SH2D4B: variants seen among roughly 807,000 people sequenced by gnomAD.
The protein encoded by SH2D4B is SH2 domain containing 4B.
SH2D4B carries 45 observed loss-of-function variants against 61.5 expected under a neutral mutation model. The observed-to-expected ratio is 0.73, with a 90% CI of 0.58 to 0.94. The LOEUF is 0.94. Among genes scored for constraint, SH2D4B ranks in the 40% least tolerant of loss-of-function variants. The pLI is 0.00. For missense variants in SH2D4B, 572 were observed against 574.2 expected (o/e 1.00, Z 0.04); for synonymous variants, 224 against 220.4 (o/e 1.02, Z -0.14).
At chr10:80,643,530 G>A (rs1295121319) in intron 7 of SH2D4B, among the ~76,000 whole-genome samples, 2 of 152,002 alleles carry the variant, frequency 1.3e-5, no homozygotes, top group Non-Finnish European at 2.9e-5. Context: ...GTGTCTTCAT[G>A]CTGTAGGGGT....
chr10:80,644,332 G>A lies in SH2D4B; in HGVS notation c.*247G>A, dbSNP rs541611144. 3 of 422,612 alleles carry A rather than the reference G, an allele frequency of 7.1e-6. No individual in the cohort carries two copies. Among genetic ancestry groups the A allele is most frequent in the Non-Finnish European group, 1.3e-5 (3 of 237,396 alleles). The allele number at this position is 422,612 out of a possible 1,614,324, so 26.2% of individuals were successfully genotyped here. ...GAAGAGCTTAGCTATGACCTTAGAA[G>A]ACAAAGCCTGTTTGTCATGGCTGCC... On this transcript the variant is annotated 3_prime_UTR_variant, in exon 8 of 8. Transcript: ENST00000646907.
chr10:80,624,050 CA>C (rs1419880036), intron 6 of SH2D4B, among the ~76,000 whole-genome samples: 2 of 152,136 alleles, frequency 1.3e-5, no homozygotes, highest in Admixed American at 6.6e-5. Flanking sequence ...TCCACTCCCC[CA>C]GCCGTATATT....
intron 1 of SH2D4B, chr10:80,540,729 G>C: frequency 8.6e-7 from 1 of 1,157,720 alleles, no homozygotes; most frequent in Non-Finnish European, 1.2e-6. Context: ...GCTGATTTCA[G>C]TGAATGGGGC....
chr10:80,603,455 A>C, intron 4 of SH2D4B, 124 bp from the exon 5 acceptor site: 309 of 739,488 alleles, frequency 4.2e-4, no homozygotes, highest in Non-Finnish European at 5.3e-4. Flanking sequence ...TGCAAAAGTC[A>C]TCGCGATTTT....
At chr10:80,621,870 G>A (rs1413861397) in intron 6 of SH2D4B, among the ~76,000 whole-genome samples, 1 of 152,080 alleles carries the variant, frequency 6.6e-6, no homozygotes, top group Non-Finnish European at 1.5e-5. Context: ...TTACAGGTGT[G>A]CACCACCACG....
intron 7 of SH2D4B, among the ~76,000 whole-genome samples, chr10:80,637,934 G>A (rs1840213786): frequency 6.6e-6 from 1 of 152,146 alleles, no homozygotes; most frequent in Non-Finnish European, 1.5e-5. Context: ...GTCATAAATA[G>A]CTCTTATTAT....
At chr10:80,627,148 G>A (rs534482770) in intron 6 of SH2D4B, among the ~76,000 whole-genome samples, 1 of 152,296 alleles carries the variant, frequency 6.6e-6, no homozygotes, top group South Asian at 2.1e-4. Context: ...GTAGGGGTCA[G>A]AGAGCCAGAT....
At chr10:80,565,106 T>C (rs565711717) in intron 1 of SH2D4B, among the ~76,000 whole-genome samples, 1 of 152,360 alleles carries the variant, frequency 6.6e-6, no homozygotes, top group African/African-American at 2.4e-5. Context: ...GTATGGCCGC[T>C]GGGATTGGCC....
rs1842566486 is a variant in SH2D4B at position 80,609,448 on chromosome 10, C to T, written c.885C>T (p.Arg295=). ...GCAGGACCTGGGAGCGCCCGCTGCG[C>T]CCAGTCTCCAGAGATGTCATCGTCC... ...PVSRTWERPL[R]PVSRDVIVRW... is the part of the protein sequence containing the mutation. The change falls in exon 6 of 8, where the codon CGC becomes CGT. Residue 295 remains arginine (R), a synonymous_variant. Coordinates refer to ENST00000646907, the MANE Select transcript of SH2D4B (RefSeq NM_001388272.1). The T allele has an allele frequency of 6.2e-7, 1 of 1,614,064 alleles. No homozygotes were observed. The highest frequency in any genetic ancestry group is 1.1e-5 in the South Asian group (1 of 91,072).
chr10:80,571,286 A>T (rs903018773), intron 2 of SH2D4B, 145 bp from the exon 3 acceptor site: 1 of 849,632 alleles, frequency 1.2e-6, no homozygotes, highest in Non-Finnish European at 1.8e-6. Context: ...CCCATGCGTG[A>T]GAATGCCTAT....
intron 1 of SH2D4B, among the ~76,000 whole-genome samples, chr10:80,562,979 G>C (rs996900089): frequency 7.5e-6 from 1 of 133,816 alleles, no homozygotes; most frequent in Non-Finnish European, 1.5e-5. Flanking sequence ...TCGGCTCACT[G>C]CAAGCTCCGC....
In SH2D4B at chr10:80,571,569, G is replaced by A. The variant is rs1481554331; in HGVS notation, c.486G>A (p.Glu162=). 1 of 1,613,768 alleles carries A rather than the reference G, an allele frequency of 6.2e-7. No homozygotes were observed. Among genetic ancestry groups the A allele is most frequent in the Non-Finnish European group, 8.5e-7 (1 of 1,179,946 alleles). The part of the protein sequence containing the change: ...AAKVLEERIH[E]EFKRKEEEER... ...AAGTCCTGGAGGAACGCATCCACGA[G>A]GAATTCAAGGTGGGCCAGCGCATGG... Residue 162 remains glutamate, a synonymous_variant, in exon 3 of 8, where the codon GAG becomes GAA. Transcript: ENST00000646907.
intron 6 of SH2D4B, among the ~76,000 whole-genome samples, chr10:80,632,439 T>A (rs1589364472): frequency 6.6e-6 from 1 of 152,182 alleles, no homozygotes; most frequent in Admixed American, 6.5e-5. Context: ...ATAAAGATAC[T>A]TGTTTAAAAG....
intron 1 of SH2D4B, among the ~76,000 whole-genome samples, chr10:80,544,859 C>T (rs1003886834): frequency 1.3e-5 from 2 of 152,198 alleles, no homozygotes; most frequent in African/African-American, 2.4e-5. Flanking sequence ...CTGGCACCTG[C>T]CCACCTCTTC....
At chr10:80,631,833 G>A (rs1461444839) in intron 6 of SH2D4B, among the ~76,000 whole-genome samples, 1 of 152,156 alleles carries the variant, frequency 6.6e-6, no homozygotes, top group Non-Finnish European at 1.5e-5. Flanking sequence ...TTGGTCAAAG[G>A]ACATAACATT....
chr10:80,597,950 A>G (rs893978748), intron 4 of SH2D4B, among the ~76,000 whole-genome samples: 1 of 152,206 alleles, frequency 6.6e-6, no homozygotes, highest in African/African-American at 2.4e-5. Flanking sequence ...AAAGAGTTTA[A>G]AAAGCATTCA....
chr10:80,597,671 T>TAAATAAAATAAAATA (rs58385156), intron 4 of SH2D4B, among the ~76,000 whole-genome samples: 1 of 150,744 alleles, frequency 6.6e-6, no homozygotes, highest in African/African-American at 2.5e-5. Flanking sequence ...ATCTCAAAAA[T>TAAATAAAATAAAATA]AAATAAAATA....
chr10:80,589,000 C>CTTTTT (rs200753787), intron 4 of SH2D4B, among the ~76,000 whole-genome samples: 2 of 147,082 alleles, frequency 1.4e-5, no homozygotes, highest in African/African-American at 5.0e-5. Context: ...TTTTCTTTTT[C>CTTTTT]TTTTTTTTTT....
chr10:80,616,991 A>G (rs1842668515), intron 6 of SH2D4B, among the ~76,000 whole-genome samples: 1 of 152,236 alleles, frequency 6.6e-6, no homozygotes, highest in Admixed American at 6.5e-5. Context: ...CCATTTCACA[A>G]ATGAGGAAGC....
Sources: gnomAD v4.1 joint callset for allele counts (sites outside exome capture counted in the v4.1 genomes callset) on GRCh38, gnomAD v4.1.1 for gene constraint, MANE v1.5 for transcripts, NCBI Gene and HGNC (gene_info 2026-07-23, HGNC 2026-07-21) for gene names.